The following CAMK4 variants were observed in gnomAD, a reference collection of about 807,000 sequenced individuals.
CAMK4 encodes the protein calcium/calmodulin-dependent protein kinase type IV.
Under a neutral mutation model 44.9 loss-of-function variants are expected in CAMK4, and 22 were observed. The observed-to-expected ratio is 0.49, with a 90% CI of 0.35 to 0.70. The LOEUF is 0.70. Among genes scored for constraint, CAMK4 ranks in the 30% least tolerant of loss-of-function variants. The probability of loss-of-function intolerance (pLI) is 0.01; values close to 1 mark genes in which losing one functional copy is unlikely to be tolerated. For missense variants in CAMK4, 498 were observed against 586.8 expected (o/e 0.85, Z 1.56); for synonymous variants, 218 against 215.4 (o/e 1.01, Z -0.11).
chr5:111,250,850 C>G (rs1272758666), intron 1 of CAMK4, among the ~76,000 whole-genome samples: 2 of 152,134 alleles, frequency 1.3e-5, no homozygotes, highest in African/African-American at 4.8e-5. Context: ...CCCTGTGTTG[C>G]CAGGGTGGTC....
At position 111,486,659 on chromosome 5, in the gene CAMK4, AGTT is replaced by A. The variant is rs1755641440; in HGVS notation, c.*2197_*2199del. 1 of 152,160 alleles carries A rather than the reference AGTT, an allele frequency of 6.6e-6. No homozygotes were observed. Among genetic ancestry groups the A allele is most frequent in the Admixed American group, 6.5e-5 (1 of 15,280 alleles). 9.4% of individuals were successfully genotyped at this position (152,160 alleles called of 1,614,324 possible). On this transcript the variant is annotated 3_prime_UTR_variant, in exon 11 of 11. Coordinates refer to ENST00000282356, the MANE Select transcript of CAMK4 (RefSeq NM_001744.6). ...CCCACCCCCATATTGTTCCAAGGGC[AGTT>A]GTTACATTATTTCAACACTAGAGTA...
At chr5:111,461,398 G>T (rs1754637739) in intron 7 of CAMK4, among the ~76,000 whole-genome samples, 1 of 152,138 alleles carries the variant, frequency 6.6e-6, no homozygotes, top group Admixed American at 6.5e-5. Context: ...CTGAACTGGG[G>T]CATTATCTTT....
chr5:111,472,364 A>G (rs77198188), intron 7 of CAMK4, among the ~76,000 whole-genome samples: 3,513 of 152,256 alleles, frequency 0.023, 144 homozygotes, highest in African/African-American at 0.081. Flanking sequence ...TCCTTCTTCA[A>G]GTACGCTGCT....
At chr5:111,382,391 TGTA>T (rs1414314883) in intron 4 of CAMK4, among the ~76,000 whole-genome samples, 1 of 152,168 alleles carries the variant, frequency 6.6e-6, no homozygotes, top group Non-Finnish European at 1.5e-5. Flanking sequence ...TTTCTGGAGT[TGTA>T]GTATGGTTGG....
At chr5:111,231,047 A>G (rs1226698414) in intron 1 of CAMK4, among the ~76,000 whole-genome samples, 1 of 152,094 alleles carries the variant, frequency 6.6e-6, no homozygotes, top group African/African-American at 2.4e-5. Flanking sequence ...AGTTTTCTTG[A>G]TCTATTTGTA....
At chr5:111,429,811 C>T (rs1472815377) in intron 5 of CAMK4, among the ~76,000 whole-genome samples, 8 of 80,732 alleles carry the variant, frequency 9.9e-5, no homozygotes, top group Non-Finnish European at 2.1e-4. Flanking sequence ...AAAAAAAAGC[C>T]GTAATAAAAA....
rs141872005 is a variant in CAMK4, at chr5:111,442,451, C to T, written c.460-4235C>T. Among the ~76,000 whole-genome samples the T allele has an allele frequency of 1.0e-2, 1,511 of 151,598 alleles. 34 individuals carry two copies. Among genetic ancestry groups the T allele is most frequent in the African/African-American group, 0.035 (1,436 of 41,364 alleles). ...GGTGGAAATTGCAGTAAGCCAAGAT[C>T]GCACCACTGCACTCCAGCCTGGGCG... On this transcript the variant is annotated intron_variant, in intron 5 of 10. Coordinates refer to ENST00000282356, the MANE Select transcript of CAMK4 (RefSeq NM_001744.6).
In CAMK4 at chr5:111,344,111, A is replaced by G; in HGVS notation, c.240+9A>G. ...AAGTGTTAAAGAAAACAGTAAGTTT[A>G]TTTCTTATATAATGGCATCTCTAAG... is the stretch of plus-strand genomic sequence containing the variant. On this transcript the variant is annotated intron_variant, in intron 2 of 10. Transcript: ENST00000282356. 6.5e-7 allele frequency: 1 copy of G among 1,533,380 alleles called. No homozygotes were observed. The highest frequency in any genetic ancestry group is 9.0e-7 in the Non-Finnish European group (1 of 1,108,460). 95.0% of individuals were successfully genotyped at this position (1,533,380 alleles called of 1,614,324 possible).
At chr5:111,424,829 G>A (rs1366966251) in intron 5 of CAMK4, among the ~76,000 whole-genome samples, 2 of 151,806 alleles carry the variant, frequency 1.3e-5, no homozygotes, top group Non-Finnish European at 2.9e-5. Flanking sequence ...GTGATTAGCT[G>A]TGTAAATTGG....
chr5:111,299,991 C>CTGT (rs1272516719), intron 1 of CAMK4, among the ~76,000 whole-genome samples: 3 of 152,206 alleles, frequency 2.0e-5, no homozygotes, highest in African/African-American at 7.2e-5. Context: ...GCAGCCCCTT[C>CTGT]TGTTCACCAA....
intron 5 of CAMK4, among the ~76,000 whole-genome samples, chr5:111,435,623 C>T (rs1753618321): frequency 6.6e-6 from 1 of 152,170 alleles, no homozygotes; most frequent in South Asian, 2.1e-4. Context: ...TCAGGAGCTT[C>T]CCTTTTTACT....
At chr5:111,269,486 T>A (rs776949544) in intron 1 of CAMK4, among the ~76,000 whole-genome samples, 13 of 152,236 alleles carry the variant, frequency 8.5e-5, no homozygotes, top group Non-Finnish European at 5.9e-5. Flanking sequence ...ATCTGGACCT[T>A]CCTGGGTCCT....
At chr5:111,460,573 A>G (rs1393147698) in intron 7 of CAMK4, among the ~76,000 whole-genome samples, 1 of 152,052 alleles carries the variant, frequency 6.6e-6, no homozygotes, top group East Asian at 1.9e-4. Flanking sequence ...TAAGTCCATT[A>G]CTTTATCTTT....
At chr5:111,409,420 C>T (rs1483736842) in intron 5 of CAMK4, among the ~76,000 whole-genome samples, 7 of 152,224 alleles carry the variant, frequency 4.6e-5, no homozygotes, top group African/African-American at 1.4e-4. Context: ...GCACCATATA[C>T]CCCAGACTGC....
At chr5:111,279,348 A>G (rs1440055631) in intron 1 of CAMK4, among the ~76,000 whole-genome samples, 1 of 152,162 alleles carries the variant, frequency 6.6e-6, no homozygotes, top group Non-Finnish European at 1.5e-5. Flanking sequence ...CTCTGTCATC[A>G]TAGCAACACT....
rs1434331182 is a variant in CAMK4 at position 111,461,288 on chromosome 5, T to G, written c.626-12023T>G. ...ATTGAGAATATTCTGAGATTCACTGTAGTAAGCTGACAAGGCAGCTTCTAG... is the reference window on the plus strand; with the variant it reads ...ATTGAGAATATTCTGAGATTCACTGGAGTAAGCTGACAAGGCAGCTTCTAG... On this transcript the variant is annotated intron_variant, in intron 7 of 10. Coordinates refer to ENST00000282356, the MANE Select transcript of CAMK4 (RefSeq NM_001744.6). 2.6e-5 allele frequency among the ~76,000 whole-genome samples: 4 copies of G among 152,348 alleles called. No individual in the cohort carries two copies. In the East Asian group the frequency reaches 7.7e-4, roughly 29 times the overall value.
At chr5:111,244,658 C>T (rs1206109788) in intron 1 of CAMK4, among the ~76,000 whole-genome samples, 1 of 152,110 alleles carries the variant, frequency 6.6e-6, no homozygotes, top group Non-Finnish European at 1.5e-5. Flanking sequence ...GTCAGGAGAT[C>T]AAGACTATCT....
chr5:111,421,193 AC>A (rs1182390089), intron 5 of CAMK4, among the ~76,000 whole-genome samples: 95 of 152,304 alleles, frequency 6.2e-4, no homozygotes, highest in African/African-American at 2.3e-3. Flanking sequence ...GGGGTCCCTG[AC>A]TTCCCGCAAC....
chr5:111,261,245 A>G (rs1343155842), intron 1 of CAMK4, among the ~76,000 whole-genome samples: 1 of 152,154 alleles, frequency 6.6e-6, no homozygotes. Flanking sequence ...TATTTCCACA[A>G]TATTGGACCC....
Sources: allele counts gnomAD v4.1 joint callset (sites outside exome capture counted in the v4.1 genomes callset), GRCh38; gene constraint gnomAD v4.1.1; transcripts MANE v1.5; gene names NCBI Gene and HGNC (gene_info 2026-07-23, HGNC 2026-07-21).